KCNN3: variants seen among roughly 807,000 people sequenced by gnomAD.
KCNN3 encodes the protein small conductance calcium-activated potassium channel protein 3.
In KCNN3, 16 loss-of-function variants were observed where a neutral mutation model predicts 62.9. The observed-to-expected ratio is 0.25, with a 90% confidence interval of 0.17 to 0.39. The LOEUF (loss-of-function observed/expected upper bound fraction) is 0.39. KCNN3 is among the 10% of genes least tolerant of loss of function. KCNN3 has a pLI of 1.00. For missense variants in KCNN3, 599 were observed against 949.4 expected (o/e 0.63, Z 4.85); for synonymous variants, 370 against 389.2 (o/e 0.95, Z 0.58).
chr1:154,817,867 T>A (rs1001393258), intron 2 of KCNN3, among the ~76,000 whole-genome samples: 6 of 152,102 alleles, frequency 3.9e-5, no homozygotes, highest in Non-Finnish European at 8.8e-5. Context: ...ATGACTGCAC[T>A]TGGTGGGTCA....
intron 1 of KCNN3, among the ~76,000 whole-genome samples, chr1:154,839,214 G>C (rs1285136141): frequency 1.3e-5 from 2 of 152,150 alleles, no homozygotes; most frequent in Non-Finnish European, 2.9e-5. Flanking sequence ...ACCATCGAGT[G>C]ACCTGCGATC....
intron 1 of KCNN3, among the ~76,000 whole-genome samples, chr1:154,855,044 T>C (rs12089941): frequency 0.23 from 35,011 of 151,636 alleles, 4,261 homozygotes; most frequent in Non-Finnish European, 0.28. Flanking sequence ...ATGGAGAAAC[T>C]TTGTCTCTAC....
intron 6 of KCNN3, among the ~76,000 whole-genome samples, chr1:154,714,440 G>GT (rs1557938358): frequency 0.064 from 3,817 of 59,914 alleles, no homozygotes; most frequent in Middle Eastern, 0.079. Context: ...GTGTGTGGGG[G>GT]GTGTGTGTGT....
chr1:154,729,859 T>C (rs1700552568), intron 4 of KCNN3, among the ~76,000 whole-genome samples: 1 of 152,240 alleles, frequency 6.6e-6, no homozygotes, highest in African/African-American at 2.4e-5. Flanking sequence ...CACTTTCCCT[T>C]GGCAGTTCAG....
chr1:154,733,264 G>T, intron 3 of KCNN3, 120 bp from the exon 4 acceptor site: 2 of 1,030,682 alleles, frequency 1.9e-6, no homozygotes, highest in East Asian at 2.4e-5. Flanking sequence ...CAGCAGTGAC[G>T]GTGGCTCACA....
chr1:154,775,959 T>A (rs888745360), intron 2 of KCNN3, among the ~76,000 whole-genome samples: 9 of 152,222 alleles, frequency 5.9e-5, no homozygotes, highest in Admixed American at 2.0e-4. Context: ...TGGGCAGGAA[T>A]GGAAGCAACG....
intron 2 of KCNN3, among the ~76,000 whole-genome samples, chr1:154,793,431 G>A (rs919779384): frequency 3.3e-5 from 5 of 152,170 alleles, no homozygotes; most frequent in African/African-American, 1.2e-4. Flanking sequence ...GGGCATGGGA[G>A]GGTGGCAGAC....
At chr1:154,799,798 C>A (rs1017073163) in intron 2 of KCNN3, among the ~76,000 whole-genome samples, 4 of 152,236 alleles carry the variant, frequency 2.6e-5, no homozygotes, top group South Asian at 2.1e-4. Flanking sequence ...CACAAGAGAT[C>A]TGGCAGCAGA....
chr1:154,742,263 C>A (rs892529901), intron 3 of KCNN3, among the ~76,000 whole-genome samples: 4 of 152,244 alleles, frequency 2.6e-5, no homozygotes, highest in African/African-American at 7.2e-5. Context: ...CAGCTCTTTG[C>A]CTGTGTCTCC....
intron 2 of KCNN3, among the ~76,000 whole-genome samples, chr1:154,800,948 A>T (rs1051822341): frequency 6.6e-6 from 1 of 152,162 alleles, no homozygotes; most frequent in Non-Finnish European, 1.5e-5. Flanking sequence ...GGGAAGCTGA[A>T]GTCGGAAGAT....
chr1:154,769,737 A>G (rs1648464357), intron 3 of KCNN3, among the ~76,000 whole-genome samples: 1 of 152,222 alleles, frequency 6.6e-6, no homozygotes, highest in South Asian at 2.1e-4. Context: ...TTCAATTACT[A>G]TGTTAATAGA....
At chr1:154,826,079 ACAAAAAC>A (rs1557995395) in intron 1 of KCNN3, among the ~76,000 whole-genome samples, 16 of 28,428 alleles carry the variant, frequency 5.6e-4, no homozygotes, top group African/African-American at 2.3e-3. Context: ...AAAAACAAAA[ACAAAAAC>A]AAAAAAAACC....
chr1:154,845,759 T>G (rs1315893910), intron 1 of KCNN3, among the ~76,000 whole-genome samples: 1 of 152,158 alleles, frequency 6.6e-6, no homozygotes, highest in Non-Finnish European at 1.5e-5. Flanking sequence ...CTTGTACACA[T>G]GCGGAGCCTC....
intron 3 of KCNN3, among the ~76,000 whole-genome samples, chr1:154,765,733 T>TC (rs1002269384): frequency 6.6e-6 from 1 of 151,084 alleles, no homozygotes; most frequent in African/African-American, 2.4e-5. Flanking sequence ...GGTTAGGTGA[T>TC]CCCCCCACCT....
At position 154,869,637 on chromosome 1, in the gene KCNN3, C is replaced by T. The variant is rs1360176552; in HGVS notation, c.328G>A (p.Ala110Thr). The T allele has an allele frequency of 1.9e-6, 3 of 1,612,876 alleles. No homozygotes were observed. The highest frequency in any genetic ancestry group is 2.5e-6 in the Non-Finnish European group (3 of 1,179,538). The change falls in exon 1 of 8, where the codon GCC becomes ACC. Residue 110 changes from alanine to threonine, a missense_variant. Coordinates refer to ENST00000271915, the MANE Select transcript of KCNN3 (RefSeq NM_002249.6). The surrounding 1 kb of genome is among the most constrained non-coding windows in gnomAD (Gnocchi z 6.1). ...GCGGTGGAGTTGGACGAAGGGGGGGCCCTGAAAGCGGTGGGAGAGGAGTGC... is the reference window on the plus strand; with the variant it reads ...GCGGTGGAGTTGGACGAAGGGGGGGTCCTGAAAGCGGTGGGAGAGGAGTGC... ...LLHSSPTAFR[A>T]PPSSNSTAIL...
chr1:154,782,903 G>A (rs1347239726), intron 2 of KCNN3, among the ~76,000 whole-genome samples: 1 of 152,202 alleles, frequency 6.6e-6, no homozygotes, highest in South Asian at 2.1e-4. Context: ...GCCAGTTTGG[G>A]CTTTACTTTG....
rs1699812175 is a variant in KCNN3, at chr1:154,699,653, G to C, written c.*8323C>G. ...TGTTGGTGCAATGAGTAAGAGAATT[G>C]GCTTTCAAGGAGATTAGCAATGTTT... is the stretch of plus-strand genomic sequence containing the variant. On this transcript the variant is annotated 3_prime_UTR_variant, in exon 8 of 8. Coordinates refer to ENST00000271915, the MANE Select transcript of KCNN3 (RefSeq NM_002249.6). 6.6e-6 allele frequency: 1 copy of C among 152,158 alleles called. No individual in the cohort carries two copies. The highest frequency in any genetic ancestry group is 2.1e-4 in the South Asian group (1 of 4,836). 9.4% of individuals were successfully genotyped at this position (152,158 alleles called of 1,614,324 possible).
At chr1:154,798,718 T>C (rs1259547444) in intron 2 of KCNN3, among the ~76,000 whole-genome samples, 1 of 152,216 alleles carries the variant, frequency 6.6e-6, no homozygotes, top group Admixed American at 6.5e-5. Flanking sequence ...GCACTGACAC[T>C]GTACCTACTT....
At chr1:154,766,321 A>T (rs1250335141) in intron 3 of KCNN3, among the ~76,000 whole-genome samples, 2 of 150,166 alleles carry the variant, frequency 1.3e-5, no homozygotes, top group Non-Finnish European at 3.0e-5. Flanking sequence ...CCAATTAAAA[A>T]TTTTTTGAGC....
Sources: allele counts gnomAD v4.1 joint callset (sites outside exome capture counted in the v4.1 genomes callset), GRCh38; gene constraint gnomAD v4.1.1; non-coding constraint Gnocchi (gnomAD v3.1); transcripts MANE v1.5; gene names NCBI Gene and HGNC (gene_info 2026-07-23, HGNC 2026-07-21).